Variants in PRELID2 observed in about 807,000 individuals in gnomAD.
The protein encoded by PRELID2 is PRELI domain-containing protein 2.
Under a neutral mutation model 28.4 loss-of-function variants are expected in PRELID2, and 25 were observed. The ratio of observed to expected loss-of-function variants is 0.88; its 90% CI spans 0.64 to 1.23. The LOEUF is 1.23. Among genes scored for constraint, PRELID2 ranks in the 50% most tolerant of loss-of-function variants. The pLI, the probability that PRELID2 is intolerant of heterozygous loss-of-function variation, is 0.00. For synonymous variants in PRELID2, 76 were observed against 71.6 expected, an observed-to-expected ratio of 1.06 and a Z score of -0.31; for missense variants, 201 against 214.4, an observed-to-expected ratio of 0.94 and a Z score of 0.39.
At chr5:145,257,634 G>A in the PRELID2 span, among the ~76,000 whole-genome samples, 10 of 152,094 alleles carry the variant, frequency 6.6e-5, no homozygotes, top group African/African-American at 2.4e-4. Flanking sequence ...GAGAGTAAAA[G>A]AAGATAACTG....
Position 145,785,223 on chromosome 5 carries a change from T to C in PRELID2, c.474+11219A>G, listed in dbSNP as rs554467471. 7.4e-4 allele frequency among the ~76,000 whole-genome samples: 113 copies of C among 152,230 alleles called. 2 individuals carry two copies. The highest frequency in any genetic ancestry group is 2.6e-3 in the African/African-American group (107 of 41,544). On this transcript the variant is annotated intron_variant, in intron 5 of 6. Transcript: ENST00000683046. Reference sequence around the variant, plus strand: ...TCACTTCATTCTAGAGAGAGAAAGTTTAGGGTCTGAGAGAGAAAAGTGTGA... The same window carrying C: ...TCACTTCATTCTAGAGAGAGAAAGTCTAGGGTCTGAGAGAGAAAAGTGTGA...
the PRELID2 span, among the ~76,000 whole-genome samples, chr5:145,411,500 A>G: frequency 2.0e-4 from 30 of 152,294 alleles, no homozygotes; most frequent in South Asian, 2.7e-3. Flanking sequence ...TGATGCAACA[A>G]TTGAGCTCCC....
At chr5:145,596,073 C>G (rs1451244843) in intron 1 of PRELID2, among the ~76,000 whole-genome samples, 3 of 128,816 alleles carry the variant, frequency 2.3e-5, no homozygotes, top group African/African-American at 9.8e-5. Flanking sequence ...GCACTCCAGC[C>G]TGGGTGACAG....
chr5:145,524,653 AG>A (rs1430617450), intron 1 of PRELID2, among the ~76,000 whole-genome samples: 1 of 152,234 alleles, frequency 6.6e-6, no homozygotes, highest in African/African-American at 2.4e-5. Context: ...TTGATGTCCC[AG>A]TGACTTCATT....
chr5:145,635,985 G>A lies in PRELID2; in HGVS notation n.70+128946C>T, dbSNP rs144946284. 8.1e-4 allele frequency among the ~76,000 whole-genome samples: 123 copies of A among 152,288 alleles called. 1 individual carries two copies. In the East Asian group the frequency reaches 0.023, roughly 29 times the overall value. ...CTTGTGGCAGCTGAACCATGAGTGT[G>A]GACTCTTTGCAGGGAAAGTCAAGGA... On this transcript the variant is annotated intron_variant and non_coding_transcript_variant, in intron 1 of 2. Coordinates refer to the PRELID2 transcript ENST00000510259.
At chr5:145,340,277 A>G in the PRELID2 span, among the ~76,000 whole-genome samples, 1 of 152,108 alleles carries the variant, frequency 6.6e-6, no homozygotes, top group African/African-American at 2.4e-5. Flanking sequence ...GCTGAAACCC[A>G]TAAGCACCGG....
the PRELID2 span, among the ~76,000 whole-genome samples, chr5:145,340,873 A>C: frequency 6.6e-6 from 1 of 150,544 alleles, no homozygotes; most frequent in South Asian, 2.1e-4. Flanking sequence ...GCTGTGTCTA[A>C]CACTGCCACC....
the PRELID2 span, among the ~76,000 whole-genome samples, chr5:145,407,990 C>T: frequency 7.2e-5 from 11 of 152,028 alleles, no homozygotes; most frequent in Non-Finnish European, 7.4e-5. Context: ...GTAGACATTC[C>T]CCAGCACCAG....
chr5:145,461,309 CT>C, the PRELID2 span, among the ~76,000 whole-genome samples: 2 of 146,218 alleles, frequency 1.4e-5, no homozygotes, highest in Non-Finnish European at 3.0e-5. Flanking sequence ...ACTTCTTCTT[CT>C]TTTTTTTTGA....
At chr5:145,472,915 A>G (rs1437631570) in intron 2 of PRELID2, among the ~76,000 whole-genome samples, 1 of 152,188 alleles carries the variant, frequency 6.6e-6, no homozygotes, top group Non-Finnish European at 1.5e-5. Flanking sequence ...ATTTTCTAGA[A>G]CACAGTTTCT....
At chr5:145,791,241 GC>G (rs1438097667) in intron 5 of PRELID2, among the ~76,000 whole-genome samples, 1 of 152,044 alleles carries the variant, frequency 6.6e-6, no homozygotes, top group Admixed American at 6.6e-5. Flanking sequence ...GGAGGAAACA[GC>G]CCCCATGATT....
In PRELID2 at chr5:145,720,622, C is replaced by T. The variant is rs556386698; in HGVS notation, n.70+44309G>A. On this transcript the variant is annotated intron_variant and non_coding_transcript_variant, in intron 1 of 2. Transcript: ENST00000510259. ...CCTTCTTGAAGAAACTACTAAAGGA[C>T]TAGTTTCATCCATCCATGTTATCAC... 2.0e-5 allele frequency among the ~76,000 whole-genome samples: 3 copies of T among 152,042 alleles called. No homozygotes were observed. The South Asian group carries it at 6.2e-4, about 32-fold the overall frequency.
chr5:145,779,070 G>A (rs528949024), intron 5 of PRELID2, among the ~76,000 whole-genome samples: 8 of 152,256 alleles, frequency 5.3e-5, no homozygotes, highest in South Asian at 2.1e-4. Flanking sequence ...TATAGAAAGC[G>A]CCTCTGTTTT....
At chr5:145,433,623 C>T in the PRELID2 span, among the ~76,000 whole-genome samples, 1 of 152,270 alleles carries the variant, frequency 6.6e-6, no homozygotes, top group Admixed American at 6.5e-5. Flanking sequence ...CAGCCAGGTA[C>T]CCTCTCCTCA....
intron 1 of PRELID2, among the ~76,000 whole-genome samples, chr5:145,599,289 G>A (rs1231625022): frequency 6.6e-6 from 1 of 152,166 alleles, no homozygotes; most frequent in Non-Finnish European, 1.5e-5. Flanking sequence ...AGAGTAACTT[G>A]TTATACTCTT....
the PRELID2 span, among the ~76,000 whole-genome samples, chr5:145,327,998 T>A: frequency 6.6e-6 from 1 of 152,018 alleles, no homozygotes; most frequent in Non-Finnish European, 1.5e-5. Flanking sequence ...TGTGTTCTCA[T>A]TGTTCAACTC....
At chr5:145,716,034 A>G (rs578010567) in intron 1 of PRELID2, among the ~76,000 whole-genome samples, 1 of 152,210 alleles carries the variant, frequency 6.6e-6, no homozygotes, top group Non-Finnish European at 1.5e-5. Flanking sequence ...CTTTCTTAAA[A>G]CATTATGAGA....
At chr5:145,229,148 G>C in the PRELID2 span, 5 of 1,051,556 alleles carry the variant, frequency 4.8e-6, no homozygotes, top group Middle Eastern at 2.9e-4. Flanking sequence ...TGGGGGCCAA[G>C]TGTGTGTCCC....
intron 1 of PRELID2, among the ~76,000 whole-genome samples, chr5:145,637,681 A>G (rs899216960): frequency 1.1e-4 from 16 of 152,198 alleles, no homozygotes; most frequent in African/African-American, 3.9e-4. Context: ...TTCATTTAGT[A>G]AGAGTGTGGG....
Sources: allele counts gnomAD v4.1 joint callset (sites outside exome capture counted in the v4.1 genomes callset), GRCh38; gene constraint gnomAD v4.1.1; transcripts MANE v1.5; gene names NCBI Gene and HGNC (gene_info 2026-07-23, HGNC 2026-07-21).